The following KIF26B variants were observed in gnomAD, a reference collection of about 807,000 sequenced individuals.
KIF26B encodes the protein kinesin-like protein KIF26B.
Under a neutral mutation model 151.2 loss-of-function variants are expected in KIF26B, and 63 were observed. The observed-to-expected ratio is 0.42, with a 90% CI of 0.34 to 0.51. The LOEUF (loss-of-function observed/expected upper bound fraction) is 0.51, where lower values mean the gene tolerates loss of function less well. Ranked by LOEUF, KIF26B falls within the 20% of genes least tolerant of loss-of-function variation. The pLI is 0.07. For synonymous variants in KIF26B, 1,357 were observed against 1,262.1 expected (o/e 1.08, Z -1.59); for missense variants, 2,813 against 2,913.6 (o/e 0.97, Z 0.79).
intron 5 of KIF26B, among the ~76,000 whole-genome samples, chr1:245,541,803 G>A (rs1661632184): frequency 6.6e-6 from 1 of 152,138 alleles, no homozygotes; most frequent in Admixed American, 6.6e-5. Context: ...AAACTGTGGG[G>A]ATTTAGATTT....
intron 2 of KIF26B, among the ~76,000 whole-genome samples, chr1:245,279,195 A>G (rs752002031): frequency 5.3e-5 from 8 of 152,216 alleles, no homozygotes; most frequent in Admixed American, 1.3e-4. Flanking sequence ...ACTCATAATT[A>G]GCTGAAGTCA....
At chr1:245,197,606 G>A (rs193116817) in intron 2 of KIF26B, among the ~76,000 whole-genome samples, 2 of 152,096 alleles carry the variant, frequency 1.3e-5, no homozygotes, top group African/African-American at 4.8e-5. Context: ...ATGGAGAAAA[G>A]GTATATATTT....
chr1:245,329,045 C>T (rs1021252481), intron 2 of KIF26B, among the ~76,000 whole-genome samples: 3 of 152,160 alleles, frequency 2.0e-5, no homozygotes, highest in Non-Finnish European at 4.4e-5. Context: ...AAAATGAGGG[C>T]ATCTGGATAT....
At chr1:245,691,214 G>A (rs1261033606) in intron 12 of KIF26B, among the ~76,000 whole-genome samples, 1 of 151,876 alleles carries the variant, frequency 6.6e-6, no homozygotes, top group Admixed American at 6.5e-5. Context: ...TAAAGAGGAA[G>A]AACAATGATG....
At chr1:245,197,486 T>G (rs1669216338) in intron 2 of KIF26B, among the ~76,000 whole-genome samples, 1 of 152,134 alleles carries the variant, frequency 6.6e-6, no homozygotes, top group Admixed American at 6.6e-5. Context: ...AACTTTGTTT[T>G]TTTTACACAC....
At chr1:245,311,882 A>C (rs1671672503) in intron 2 of KIF26B, among the ~76,000 whole-genome samples, 1 of 152,214 alleles carries the variant, frequency 6.6e-6, no homozygotes, top group Non-Finnish European at 1.5e-5. Context: ...GTGAGCCGAG[A>C]TCATGCCATT....
At chr1:245,332,816 C>T (rs1417929374) in intron 2 of KIF26B, among the ~76,000 whole-genome samples, 4 of 152,204 alleles carry the variant, frequency 2.6e-5, no homozygotes, top group Non-Finnish European at 4.4e-5. Flanking sequence ...TGTCATCTCA[C>T]TGCCTCTCCT....
At chr1:245,604,644 A>C (rs2043430609) in intron 6 of KIF26B, among the ~76,000 whole-genome samples, 1 of 152,192 alleles carries the variant, frequency 6.6e-6, no homozygotes, top group Non-Finnish European at 1.5e-5. Flanking sequence ...TCAAGCATGG[A>C]CTATGAATGC....
intron 2 of KIF26B, among the ~76,000 whole-genome samples, chr1:245,160,457 G>C (rs1668513197): frequency 6.6e-6 from 1 of 152,110 alleles, no homozygotes; most frequent in African/African-American, 2.4e-5. Flanking sequence ...AGAAATAGGG[G>C]CCAAGGAACG....
At chr1:245,288,406 C>A (rs752423606) in intron 2 of KIF26B, among the ~76,000 whole-genome samples, 31 of 152,158 alleles carry the variant, frequency 2.0e-4, no homozygotes, top group Non-Finnish European at 1.3e-4. Flanking sequence ...TCCCATTTAA[C>A]GATCAGTTCT....
rs370518566 is a variant in KIF26B, at chr1:245,258,786, C to T, written c.465+102103C>T. On this transcript the variant is annotated intron_variant, in intron 2 of 14. Transcript: ENST00000407071. The stretch of plus-strand genomic sequence containing the variant: ...AATCAGAACAAGCAGGACCCACGGG[C>T]GGGGGTGAGAGCAAGTGGCTGGGAG... 2.0e-3 allele frequency among the ~76,000 whole-genome samples: 298 copies of T among 152,016 alleles called. 1 individual carries two copies. The highest frequency in any genetic ancestry group is 7.1e-3 in the African/African-American group (293 of 41,474).
intron 2 of KIF26B, among the ~76,000 whole-genome samples, chr1:245,190,772 G>A (rs993455814): frequency 2.0e-5 from 3 of 151,230 alleles, no homozygotes; most frequent in African/African-American, 7.3e-5. Flanking sequence ...TAAGAGATAA[G>A]AACCAGGCTG....
At chr1:245,365,520 C>T (rs368729123) in intron 2 of KIF26B, among the ~76,000 whole-genome samples, 4 of 149,104 alleles carry the variant, frequency 2.7e-5, no homozygotes, top group African/African-American at 1.0e-4. Context: ...AACTCCCCCC[C>T]ACCAGCCTAC....
At chr1:245,421,372 T>G (rs1021112834) in intron 4 of KIF26B, among the ~76,000 whole-genome samples, 2 of 152,138 alleles carry the variant, frequency 1.3e-5, no homozygotes, top group Non-Finnish European at 2.9e-5. Flanking sequence ...AATGGAGACT[T>G]GGTTCGTTCT....
intron 2 of KIF26B, among the ~76,000 whole-genome samples, chr1:245,226,570 TCTC>T (rs1669879310): frequency 6.6e-6 from 1 of 152,040 alleles, no homozygotes; most frequent in African/African-American, 2.4e-5. Context: ...TCTAAGCGAT[TCTC>T]CTGCCTCAGC....
At chr1:245,436,890 CTTTT>C (rs539810099) in intron 4 of KIF26B, among the ~76,000 whole-genome samples, 1 of 122,342 alleles carries the variant, frequency 8.2e-6, no homozygotes. Context: ...TTCTCCCTCT[CTTTT>C]TTTTTTTTTT....
chr1:245,438,625 C>T (rs1257886244), intron 4 of KIF26B, among the ~76,000 whole-genome samples: 1 of 152,036 alleles, frequency 6.6e-6, no homozygotes, highest in East Asian at 1.9e-4. Context: ...CATCAAAGCC[C>T]CCAAAATGTA....
At chr1:245,394,930 G>C (rs750427396) in intron 3 of KIF26B, among the ~76,000 whole-genome samples, 1 of 152,026 alleles carries the variant, frequency 6.6e-6, no homozygotes, top group Non-Finnish European at 1.5e-5. Context: ...GACCTCAGGT[G>C]ATCACACCCT....
intron 2 of KIF26B, among the ~76,000 whole-genome samples, chr1:245,269,735 T>C (rs1670816330): frequency 6.6e-6 from 1 of 152,094 alleles, no homozygotes; most frequent in African/African-American, 2.4e-5. Context: ...AGTGCTGGGA[T>C]TACAAGCGTG....
Sources: gnomAD v4.1 joint callset for allele counts (sites outside exome capture counted in the v4.1 genomes callset) on GRCh38, gnomAD v4.1.1 for gene constraint, MANE v1.5 for transcripts, NCBI Gene and HGNC (gene_info 2026-07-23, HGNC 2026-07-21) for gene names.